EYS: variants seen among roughly 807,000 people sequenced by gnomAD.
EYS encodes protein eyes shut homolog.
Under a neutral mutation model 282.1 loss-of-function variants are expected in EYS, and 250 were observed. That is an observed-to-expected ratio of 0.89 (90% CI 0.80 to 0.98). The LOEUF is 0.98. Among genes scored for constraint, EYS ranks in the 50% least tolerant of loss-of-function variants. The pLI is 0.00. For missense variants in EYS, 4,016 were observed against 3,709.0 expected (o/e 1.08, Z -2.15); for synonymous variants, 1,355 against 1,282.9 (o/e 1.06, Z -1.20).
intron 26 of EYS, among the ~76,000 whole-genome samples, chr6:64,549,155 G>A (rs566897135): frequency 6.6e-6 from 1 of 152,238 alleles, no homozygotes; most frequent in African/African-American, 2.4e-5. Context: ...AGTTATTGGG[G>A]ATAACCATGA....
At chr6:63,998,924 C>T (rs985133493) in intron 34 of EYS, 151 bp downstream of exon 34, 1 of 567,006 alleles carries the variant, frequency 1.8e-6, no homozygotes, top group African/African-American at 1.9e-5. Context: ...ATCCCTAAAG[C>T]ATGAGTTGAA....
At chr6:64,758,899 A>G (rs1434589952) in intron 22 of EYS, among the ~76,000 whole-genome samples, 2 of 152,084 alleles carry the variant, frequency 1.3e-5, no homozygotes, top group African/African-American at 2.4e-5. Flanking sequence ...AGCACTTTGG[A>G]AGGCCGAGGT....
At chr6:64,324,616 C>T (rs1160684353) in intron 29 of EYS, among the ~76,000 whole-genome samples, 2 of 152,080 alleles carry the variant, frequency 1.3e-5, no homozygotes, top group African/African-American at 2.4e-5. Flanking sequence ...AAGTTCCAGC[C>T]ACAGTAATCA....
intron 22 of EYS, among the ~76,000 whole-genome samples, chr6:64,746,923 G>T (rs1772575160): frequency 6.6e-6 from 1 of 152,138 alleles, no homozygotes; most frequent in Non-Finnish European, 1.5e-5. Flanking sequence ...TTCTGCTATG[G>T]TCTATGGTAC....
intron 2 of EYS, among the ~76,000 whole-genome samples, chr6:65,498,678 A>G (rs927438063): frequency 7.2e-5 from 11 of 152,036 alleles, no homozygotes; most frequent in African/African-American, 2.4e-4. Context: ...ACACTAACAC[A>G]AAAACATCTA....
intron 11 of EYS, among the ~76,000 whole-genome samples, chr6:65,333,914 AT>A (rs60971248): frequency 1.3e-5 from 2 of 150,930 alleles, no homozygotes; most frequent in East Asian, 2.0e-4. Context: ...TTTGAATGAT[AT>A]TTTTTTATTG....
At chr6:65,211,186 A>T (rs890888801) in intron 12 of EYS, among the ~76,000 whole-genome samples, 1 of 152,076 alleles carries the variant, frequency 6.6e-6, no homozygotes, top group African/African-American at 2.4e-5. Context: ...AGTTACAGGA[A>T]CCTTGAAGTT....
chr6:65,547,517 G>A (rs1254484624), intron 2 of EYS, among the ~76,000 whole-genome samples: 4 of 152,032 alleles, frequency 2.6e-5, no homozygotes, highest in African/African-American at 7.2e-5. Context: ...GTGTGTGTAT[G>A]TATGTGAATG....
chr6:65,423,035 T>C (rs971638607), intron 5 of EYS, among the ~76,000 whole-genome samples: 10 of 151,628 alleles, frequency 6.6e-5, no homozygotes, highest in African/African-American at 1.7e-4. Context: ...TTGCTAAAAC[T>C]AAACACAACA....
intron 11 of EYS, chr6:65,331,134 G>A (rs892430463): frequency 1.2e-5 from 11 of 951,384 alleles, no homozygotes; most frequent in Non-Finnish European, 1.1e-5. Flanking sequence ...TCATAATTTA[G>A]AAAATATTAT....
chr6:64,578,621 G>GTGGT (rs1554182459), intron 26 of EYS, among the ~76,000 whole-genome samples: 5 of 145,422 alleles, frequency 3.4e-5, no homozygotes, highest in East Asian at 4.0e-4. Flanking sequence ...GTGTGTGTGT[G>GTGGT]GTGTGTGTGT....
intron 35 of EYS, among the ~76,000 whole-genome samples, chr6:63,945,949 C>T (rs187132774): frequency 5.3e-5 from 8 of 152,250 alleles, no homozygotes; most frequent in Non-Finnish European, 7.4e-5. Flanking sequence ...CCTGAACCTA[C>T]GAATAAAACC....
At chr6:63,739,850 C>T (rs941208892) in intron 41 of EYS, among the ~76,000 whole-genome samples, 26 of 140,096 alleles carry the variant, frequency 1.9e-4, no homozygotes, top group Admixed American at 1.0e-3. Context: ...CATGCCACCA[C>T]GCCCAGCTAT....
chr6:64,442,245 A>T (rs1047223004), intron 26 of EYS, among the ~76,000 whole-genome samples: 9 of 152,160 alleles, frequency 5.9e-5, no homozygotes, highest in African/African-American at 2.2e-4. Context: ...GCCCCAGAGA[A>T]TTGTAGAACT....
At chr6:64,033,796 G>A (rs1769977718) in intron 33 of EYS, among the ~76,000 whole-genome samples, 1 of 151,066 alleles carries the variant, frequency 6.6e-6, no homozygotes, top group Admixed American at 6.6e-5. Context: ...ACATTCAATT[G>A]TTGCAAAGTA....
At chr6:65,521,515 T>C (rs898622587) in intron 2 of EYS, among the ~76,000 whole-genome samples, 112 of 152,254 alleles carry the variant, frequency 7.4e-4, no homozygotes, top group African/African-American at 2.6e-3. Context: ...AGAAATCCAA[T>C]AATCAGGTTT....
chr6:64,871,398 A>G (rs538400433), intron 19 of EYS, among the ~76,000 whole-genome samples: 2 of 151,992 alleles, frequency 1.3e-5, no homozygotes, highest in African/African-American at 4.8e-5. Context: ...CCCTTTTGAA[A>G]AGATTAGGAG....
intron 26 of EYS, among the ~76,000 whole-genome samples, chr6:64,496,920 T>C (rs1381143117): frequency 6.6e-6 from 1 of 152,060 alleles, no homozygotes; most frequent in Non-Finnish European, 1.5e-5. Flanking sequence ...CTCCTGTTTG[T>C]TGTATATTGT....
At chr6:65,589,443 T>G (rs1765160500) in intron 2 of EYS, among the ~76,000 whole-genome samples, 3 of 152,012 alleles carry the variant, frequency 2.0e-5, no homozygotes, top group African/African-American at 7.2e-5. Flanking sequence ...TACTTTCTCC[T>G]TCTAATGATT....
Sources: allele counts gnomAD v4.1 joint callset (sites outside exome capture counted in the v4.1 genomes callset), GRCh38; gene constraint gnomAD v4.1.1; transcripts MANE v1.5; gene names NCBI Gene and HGNC (gene_info 2026-07-23, HGNC 2026-07-21).